AHCY: variants seen among roughly 807,000 people sequenced by gnomAD.
AHCY encodes adenosylhomocysteinase, also known as S-adenosyl-L-homocysteine hydrolase.
A neutral mutation model predicts 45.4 loss-of-function variants in AHCY; 24 were observed. The ratio of observed to expected loss-of-function variants is 0.53; its 90% CI spans 0.38 to 0.74. AHCY has a LOEUF of 0.74. Ranked by LOEUF, AHCY falls within the 30% of genes least tolerant of loss-of-function variation. The pLI, the probability that AHCY is intolerant of heterozygous loss-of-function variation, is 0.00. For missense variants in AHCY, 449 were observed against 594.1 expected (o/e 0.76, Z 2.54); for synonymous variants, 245 against 235.1 (o/e 1.04, Z -0.39).
At chr20:34,298,517 C>T (rs1021286668) in intron 1 of AHCY, among the ~76,000 whole-genome samples, 1 of 151,310 alleles carries the variant, frequency 6.6e-6, no homozygotes, top group African/African-American at 2.4e-5. Flanking sequence ...TGGGAAGACG[C>T]CCGTTACCAG....
intron 1 of AHCY, among the ~76,000 whole-genome samples, chr20:34,298,270 A>G (rs898586062): frequency 1.3e-5 from 2 of 152,202 alleles, no homozygotes; most frequent in African/African-American, 4.8e-5. Flanking sequence ...CTAGATATAG[A>G]TCTTATATAT....
chr20:34,251,551 G>T, the AHCY span, among the ~76,000 whole-genome samples: 10 of 152,298 alleles, frequency 6.6e-5, no homozygotes, highest in East Asian at 1.7e-3. Context: ...TGGGATTACA[G>T]GCATGAGCCA....
rs776913917 is a variant in AHCY at position 34,303,308 on chromosome 20, T to G, written c.-38A>C. The G allele has an allele frequency of 6.4e-7, 1 of 1,551,702 alleles. No individual in the cohort carries two copies. The highest frequency in any genetic ancestry group is 8.7e-7 in the Non-Finnish European group (1 of 1,146,958). On this transcript the variant is annotated 5_prime_UTR_variant, in exon 1 of 10. Transcript: ENST00000217426. Reference sequence around the variant, plus strand: ...CGTGATGGAAACGGGCGAAGGGGGCTGGGCCTCAGTCTGGGAACAGGAACT... The same window carrying G: ...CGTGATGGAAACGGGCGAAGGGGGCGGGGCCTCAGTCTGGGAACAGGAACT...
the AHCY span, among the ~76,000 whole-genome samples, chr20:34,273,983 G>A: frequency 6.6e-5 from 1 of 15,038 alleles, no homozygotes; most frequent in Admixed American, 2.5e-3. Context: ...ACCTTCTAAT[G>A]GTGAGAATGA....
At chr20:34,273,155 C>T in the AHCY span, among the ~76,000 whole-genome samples, 12 of 151,540 alleles carry the variant, frequency 7.9e-5, no homozygotes, top group South Asian at 1.0e-3. Context: ...CTCTCCTCCC[C>T]AGAGGTTGGG....
At chr20:34,283,975 G>C (rs2036087035) in intron 9 of AHCY, among the ~76,000 whole-genome samples, 1 of 152,058 alleles carries the variant, frequency 6.6e-6, no homozygotes. Flanking sequence ...GGATTGGACA[G>C]GGTAAGGGAC....
upstream of AHCY, among the ~76,000 whole-genome samples, chr20:34,307,361 G>T (rs1352002320): frequency 6.6e-6 from 1 of 151,810 alleles, no homozygotes; most frequent in African/African-American, 2.4e-5. Flanking sequence ...ACATGCTGAG[G>T]TTTTTTTGTT....
At chr20:34,271,394 G>A in the AHCY span, among the ~76,000 whole-genome samples, 1 of 152,106 alleles carries the variant, frequency 6.6e-6, no homozygotes, top group Non-Finnish European at 1.5e-5. Context: ...TGGGACCGCC[G>A]TCTCCAACAC....
chr20:34,282,789 G>C (rs1348190741), intron 9 of AHCY, among the ~76,000 whole-genome samples: 2 of 152,156 alleles, frequency 1.3e-5, no homozygotes, highest in African/African-American at 4.8e-5. Flanking sequence ...GAGGAGGACA[G>C]AGGCAAGAGT....
chr20:34,248,817 A>T, the AHCY span, among the ~76,000 whole-genome samples: 3 of 151,426 alleles, frequency 2.0e-5, no homozygotes, highest in Admixed American at 2.0e-4. Flanking sequence ...AGAAAGAAAG[A>T]AATATTCAGC....
the AHCY span, among the ~76,000 whole-genome samples, chr20:34,248,576 C>T: frequency 2.0e-5 from 3 of 152,056 alleles, no homozygotes; most frequent in African/African-American, 4.8e-5. Context: ...GCCGAGGAGG[C>T]AGTGTCTCTT....
At position 34,290,159 on chromosome 20, in the gene AHCY, T is replaced by C. The variant is rs1469915818; in HGVS notation, c.972+173A>G. Among the ~76,000 whole-genome samples the C allele has an allele frequency of 6.6e-6, 1 of 152,232 alleles. No homozygotes were observed. Among genetic ancestry groups the C allele is most frequent in the Admixed American group, 6.5e-5 (1 of 15,276 alleles). On this transcript the variant is annotated intron_variant, in intron 8 of 9. Coordinates refer to ENST00000217426, the MANE Select transcript of AHCY (RefSeq NM_000687.4). The surrounding 1 kb of genome is among the most constrained non-coding windows in gnomAD (Gnocchi z 4.5). ...CTCACCTGCCTGATACCTTCAGGGATGCCGGCTGCCCACAGGATAAGGTTG... is the reference window on the plus strand; with the variant it reads ...CTCACCTGCCTGATACCTTCAGGGACGCCGGCTGCCCACAGGATAAGGTTG...
At chr20:34,249,608 A>C in the AHCY span, among the ~76,000 whole-genome samples, 5 of 151,982 alleles carry the variant, frequency 3.3e-5, no homozygotes, top group African/African-American at 1.2e-4. Flanking sequence ...CTCTCCTGTC[A>C]CCATCTCTTA....
At chr20:34,249,125 T>C in the AHCY span, among the ~76,000 whole-genome samples, 4 of 151,424 alleles carry the variant, frequency 2.6e-5, no homozygotes, top group South Asian at 2.1e-4. Flanking sequence ...TGAGACCCTG[T>C]CTCGAAAAAA....
Position 34,281,085 on chromosome 20 carries a change from G to A in AHCY, c.1248C>T (p.Tyr416=). Residue 416 remains tyrosine, a synonymous_variant, in exon 10 of 10, where the codon TAC becomes TAT. Transcript: ENST00000217426. ...LTKLTEKQAQ[Y]LGMSCDGPFK... is the part of the protein sequence containing the mutation. ...AGGGGCCATCACAGGACATGCCCAG[G>A]TACTGGGCTTGCTTCTCAGTTAGCT... is the stretch of plus-strand genomic sequence containing the variant. 2 of 1,614,180 alleles carry A rather than the reference G, an allele frequency of 1.2e-6. No homozygotes were observed. The highest frequency in any genetic ancestry group is 1.7e-6 in the Non-Finnish European group (2 of 1,180,028).
the AHCY span, among the ~76,000 whole-genome samples, chr20:34,266,693 A>G: frequency 6.6e-6 from 1 of 152,166 alleles, no homozygotes; most frequent in Non-Finnish European, 1.5e-5. Context: ...AAACAAACAA[A>G]CAAAAAAGGC....
the AHCY span, among the ~76,000 whole-genome samples, chr20:34,235,717 G>A: frequency 8.6e-5 from 13 of 150,352 alleles, no homozygotes; most frequent in Non-Finnish European, 1.6e-4. Context: ...CCAGGAAGTC[G>A]TGGCTGAAGT....
the AHCY span, among the ~76,000 whole-genome samples, chr20:34,233,847 T>A: frequency 6.6e-6 from 1 of 152,040 alleles, no homozygotes; most frequent in African/African-American, 2.4e-5. Flanking sequence ...TCAACAGGAA[T>A]GAGATACCAG....
At chr20:34,269,224 G>A in the AHCY span, 1 of 1,435,664 alleles carries the variant, frequency 7.0e-7, no homozygotes, top group Non-Finnish European at 9.1e-7. Context: ...GGCGCTTCTC[G>A]GGCGGGTGAT....
Sources: gnomAD v4.1 joint callset for allele counts (sites outside exome capture counted in the v4.1 genomes callset) on GRCh38, gnomAD v4.1.1 for gene constraint, Gnocchi (gnomAD v3.1) non-coding constraint, MANE v1.5 for transcripts, NCBI Gene and HGNC (gene_info 2026-07-23, HGNC 2026-07-21) for gene names.